The following CLSPN variants were observed in gnomAD, a reference collection of about 807,000 sequenced individuals.
CLSPN encodes the protein claspin.
CLSPN carries 85 observed loss-of-function variants against 156.3 expected under a neutral mutation model. The observed-to-expected ratio is 0.54, with a 90% CI of 0.46 to 0.65. CLSPN has a LOEUF of 0.65. Ranked by LOEUF, CLSPN falls within the 30% of genes least tolerant of loss-of-function variation. The pLI, the probability that CLSPN is intolerant of heterozygous loss-of-function variation, is 0.00. For missense variants in CLSPN, 1,407 were observed against 1,554.9 expected (o/e 0.90, Z 1.60); for synonymous variants, 534 against 542.4 (o/e 0.98, Z 0.22).
intron 24 of CLSPN, among the ~76,000 whole-genome samples, chr1:35,725,123 C>T (rs947515458): frequency 6.6e-6 from 1 of 152,074 alleles, no homozygotes; most frequent in African/African-American, 2.4e-5. Flanking sequence ...CTAAGGGCTC[C>T]GAGGGAACTT....
At chr1:35,764,130 T>C (rs1022817774) in intron 3 of CLSPN, 136 bp downstream of exon 3, 12 of 634,256 alleles carry the variant, frequency 1.9e-5, no homozygotes, top group African/African-American at 9.2e-5. Flanking sequence ...CACATACCTA[T>C]TGAGAATAAT....
chr1:35,747,000 C>A lies in CLSPN; in HGVS notation c.2628-8G>T. On this transcript the variant is annotated splice_polypyrimidine_tract_variant and splice_region_variant and intron_variant, in intron 14 of 24. Coordinates refer to ENST00000318121, the MANE Select transcript of CLSPN (RefSeq NM_022111.4). The surrounding 1 kb of genome is among the most constrained non-coding windows in gnomAD (Gnocchi z 4.2). ...TTTCTAACATTTAAGAACCTAAGAA[C>A]CAATGAGCACAACGAATAGTGTAAA... is the stretch of plus-strand genomic sequence containing the variant. 3 of 1,606,306 alleles carry A rather than the reference C, an allele frequency of 1.9e-6. No individual in the cohort carries two copies. Among genetic ancestry groups the A allele is most frequent in the Non-Finnish European group, 2.6e-6 (3 of 1,173,092 alleles).
intron 24 of CLSPN, among the ~76,000 whole-genome samples, chr1:35,722,460 G>A (rs958326121): frequency 3.3e-5 from 5 of 151,930 alleles, no homozygotes; most frequent in Non-Finnish European, 7.4e-5. Context: ...ATGTTGACCA[G>A]GCTGGTCTCA....
intron 22 of CLSPN, 30 bp downstream of exon 22, chr1:35,737,962 G>A (rs1299848567): frequency 1.6e-6 from 2 of 1,243,316 alleles, no homozygotes; most frequent in South Asian, 1.8e-5. Context: ...AATCCAGGGG[G>A]CTAGACCCTA....
In CLSPN at chr1:35,769,760, C is replaced by G. The variant is rs542040375; in HGVS notation, c.24+87G>C. ...CCGCAGTCCTCCCGCCCGGGCGCCT[C>G]GGGTCAGCGGGGTCTACCCCGGCCC... On this transcript the variant is annotated intron_variant, in intron 1 of 24. Transcript: ENST00000318121. The G allele has an allele frequency of 1.6e-4, 207 of 1,317,910 alleles. No individual in the cohort carries two copies. In the African/African-American group the frequency reaches 2.9e-3, roughly 18 times the overall value. The allele number at this position is 1,317,910 out of a possible 1,614,324, so 81.6% of individuals were successfully genotyped here.
Position 35,733,944 on chromosome 1 carries a change from C to T in CLSPN, c.*2552G>A. ...ACAGTGAGCTATGATTGTGCCACTG[C>T]ACTCTAACCTGGGCAACAGAATGAG... On this transcript the variant is annotated 3_prime_UTR_variant, in exon 25 of 25. Transcript: ENST00000318121. 1 of 920,698 alleles carries T rather than the reference C, an allele frequency of 1.1e-6. No homozygotes were observed. The highest frequency in any genetic ancestry group is 1.3e-6 in the Non-Finnish European group (1 of 770,912). 57.0% of individuals were successfully genotyped at this position (920,698 alleles called of 1,614,324 possible).
At chr1:35,737,295 A>T in intron 23 of CLSPN, 44 bp downstream of exon 23, 1 of 1,536,274 alleles carries the variant, frequency 6.5e-7, no homozygotes, top group East Asian at 2.3e-5. Flanking sequence ...GGGCCTTTAT[A>T]ACCTGTAGAC....
At chr1:35,741,078 T>C (rs987210357) in intron 18 of CLSPN, among the ~76,000 whole-genome samples, 10 of 152,118 alleles carry the variant, frequency 6.6e-5, no homozygotes, top group Non-Finnish European at 1.3e-4. Context: ...TCACATACAA[T>C]ATAATATTAA....
At position 35,738,389 on chromosome 1, in the gene CLSPN, T is replaced by G. The variant is rs142525658; in HGVS notation, c.3558+66A>C. On this transcript the variant is annotated intron_variant, in intron 21 of 24. Coordinates refer to ENST00000318121, the MANE Select transcript of CLSPN (RefSeq NM_022111.4). ...GAAACTATCATGACAAGCTAAGATTTTGAAACTATCATGACAAGCTAAGGG... is the reference window on the plus strand; with the variant it reads ...GAAACTATCATGACAAGCTAAGATTGTGAAACTATCATGACAAGCTAAGGG... The G allele has an allele frequency of 2.7e-4, 405 of 1,520,704 alleles. No homozygotes were observed. The African/African-American group carries it at 4.2e-3, about 16-fold the overall frequency. 94.2% of individuals were successfully genotyped at this position (1,520,704 alleles called of 1,614,324 possible). A position where few individuals can be genotyped will look rare whatever the true frequency, so the allele number is the denominator to read the frequency against.
In CLSPN at chr1:35,736,575, G is replaced by C; in HGVS notation, c.3941C>G (p.Ser1314Cys). Residue 1314 changes from serine (S) to cysteine (C), a missense_variant, in exon 25 of 25, where the codon TCT becomes TGT. Ser to Cys is a moderately radical substitution (Grantham distance 112). This residue lies in a region of CLSPN where 241 missense variants were observed against 240.5 expected (regional missense o/e 1.00). Coordinates refer to ENST00000318121, the MANE Select transcript of CLSPN (RefSeq NM_022111.4). ...TGTTTTGAGGTGCTTAGGTGAAGGA[G>C]AAGTCATGAAAGATGGACCCCTTTT... ...VKKRGPSFMT[S>C]PSPKHLKTDD... is the part of the protein sequence containing the mutation. The C allele has an allele frequency of 6.2e-7, 1 of 1,612,474 alleles. No individual in the cohort carries two copies. The highest frequency in any genetic ancestry group is 8.5e-7 in the Non-Finnish European group (1 of 1,179,440).
rs182617191 is a variant in CLSPN, at chr1:35,720,672, T to C, written c.*219A>G. On this transcript the variant is annotated 3_prime_UTR_variant, in exon 25 of 25. Transcript: ENST00000251195. ...CATGTTGGTCAGGTTGGTCTTGATC[T>C]CCTGACCTTGTGATCCACCCACCTC... 1.6e-3 allele frequency: 515 copies of C among 317,532 alleles called. 3 individuals are homozygous for C. The highest frequency in any genetic ancestry group is 5.7e-3 in the South Asian group (115 of 20,182). 19.7% of individuals were successfully genotyped at this position (317,532 alleles called of 1,614,324 possible). A position where few individuals can be genotyped will look rare whatever the true frequency, so the allele number is the denominator to read the frequency against.
At chr1:35,741,260 T>C (rs904441109) in intron 18 of CLSPN, among the ~76,000 whole-genome samples, 2 of 152,216 alleles carry the variant, frequency 1.3e-5, no homozygotes, top group African/African-American at 2.4e-5. Context: ...AAACTAACTT[T>C]CATTTATATC....
rs1477775676 is a variant in CLSPN, at chr1:35,760,597, C to T, written c.1324G>A (p.Glu442Lys). The T allele has an allele frequency of 1.9e-6, 3 of 1,614,230 alleles. No individual in the cohort carries two copies. Among genetic ancestry groups the T allele is most frequent in the South Asian group, 2.2e-5 (2 of 91,090 alleles). Residue 442 changes from glutamate (E) to lysine (K), a missense_variant, in exon 8 of 25, where the codon GAA (glutamate) becomes AAA (lysine). Physicochemically the swap from Glu to Lys is moderately conservative, Grantham distance 56 (BLOSUM62 1). Coordinates refer to ENST00000318121, the MANE Select transcript of CLSPN (RefSeq NM_022111.4). ...GCTACAAGCCCTCCAACCTGACATT[C>T]CTCACTGTGATTGTTCCCGAGGAAG... ...SNFLGNNHSEECQVGGLVAFE... is the reference protein window; with the variant it reads ...SNFLGNNHSEKCQVGGLVAFE...
chr1:35,768,197 G>GT (rs1642735951), intron 1 of CLSPN, among the ~76,000 whole-genome samples: 1 of 152,004 alleles, frequency 6.6e-6, no homozygotes, highest in Non-Finnish European at 1.5e-5. Context: ...GTAAAACCCC[G>GT]TATCTACTAA....
chr1:35,751,114 T>C (rs1642067792), intron 10 of CLSPN, 136 bp downstream of exon 10: 1 of 1,006,016 alleles, frequency 9.9e-7, no homozygotes, highest in African/African-American at 1.6e-5. Flanking sequence ...TTTAGGGATA[T>C]ATGAGGTAGT....
chr1:35,732,738 GC>G lies in CLSPN; in HGVS notation c.*3757del. On this transcript the variant is annotated 3_prime_UTR_variant, in exon 25 of 25. Coordinates refer to ENST00000318121, the MANE Select transcript of CLSPN (RefSeq NM_022111.4). The stretch of plus-strand genomic sequence containing the variant: ...CAGAGCCATAGTGGCAGGTCCTGGG[GC>G]TTCAATTTCATTAAAACATAACTGA... 1.0e-6 allele frequency: 1 copy of G among 985,378 alleles called. No homozygotes were observed. The highest frequency in any genetic ancestry group is 1.1e-4 in the East Asian group (1 of 8,806). The allele number at this position is 985,378 out of a possible 1,614,324, so 61.0% of individuals were successfully genotyped here. A position where few individuals can be genotyped will look rare whatever the true frequency, so the allele number is the denominator to read the frequency against.
At chr1:35,740,293 T>C (rs1641646478) in intron 18 of CLSPN, among the ~76,000 whole-genome samples, 1 of 152,052 alleles carries the variant, frequency 6.6e-6, no homozygotes, top group South Asian at 2.1e-4. Context: ...TGACTTCAGC[T>C]CCCCCGGAGA....
rs141680652 is a variant in CLSPN, at chr1:35,752,532, C to T, written c.1772-1026G>A. ...GGTAGAGGTTGCAGTGAGCTAAGAT[C>T]GTGCCATTGCACTCCAGCCAGGGTG... is the stretch of plus-strand genomic sequence containing the variant. On this transcript the variant is annotated intron_variant, in intron 9 of 24. Coordinates refer to ENST00000318121, the MANE Select transcript of CLSPN (RefSeq NM_022111.4). 1.7e-3 allele frequency among the ~76,000 whole-genome samples: 225 copies of T among 135,346 alleles called. 1 individual carries two copies. The highest frequency in any genetic ancestry group is 9.4e-3 in the Middle Eastern group (2 of 212). 88.8% of individuals were successfully genotyped at this position (135,346 alleles called of 152,430 possible).
chr1:35,743,200 G>T lies in CLSPN; in HGVS notation c.3084C>A (p.Asp1028Glu). The T allele has an allele frequency of 6.2e-7, 1 of 1,614,004 alleles. No homozygotes were observed. The highest frequency in any genetic ancestry group is 8.5e-7 in the Non-Finnish European group (1 of 1,179,934). The stretch of plus-strand genomic sequence containing the variant: ...GTTCTTCTTCATCATCATCTTCATG[G>T]TCTTCCAGTGCCAGATCATTACCAG... ...SDSGNDLALE[D>E]HEDDDEEELL... The change falls in exon 18 of 25, where the codon GAC (aspartate) becomes GAA (glutamate). Residue 1028 changes from aspartate to glutamate, a missense_variant. By Grantham distance (45) the Asp-to-Glu change is conservative. Coordinates refer to ENST00000318121, the MANE Select transcript of CLSPN (RefSeq NM_022111.4).
Sources: allele counts gnomAD v4.1 joint callset (sites outside exome capture counted in the v4.1 genomes callset), GRCh38; gene constraint gnomAD v4.1.1; regional missense constraint gnomAD v4.1.1; non-coding constraint Gnocchi (gnomAD v3.1); transcripts MANE v1.5; gene names NCBI Gene and HGNC (gene_info 2026-07-23, HGNC 2026-07-21).